NLRC3: variants seen among roughly 807,000 people sequenced by gnomAD.
The protein encoded by NLRC3 is NLR family CARD domain-containing protein 3.
NLRC3 carries 87 observed loss-of-function variants against 91.6 expected under a neutral mutation model. That is an observed-to-expected ratio of 0.95 (90% CI 0.80 to 1.14). NLRC3 has a LOEUF of 1.14. NLRC3 is among the 50% of genes most tolerant of loss of function. The pLI, the probability that NLRC3 is intolerant of heterozygous loss-of-function variation, is 0.00. For missense variants in NLRC3, 1,577 were observed against 1,418.6 expected (o/e 1.11, Z -1.79); for synonymous variants, 694 against 625.3 (o/e 1.11, Z -1.64).
chr16:3,540,271 C>T lies in NLRC3; in HGVS notation c.*1554G>A, dbSNP rs1402766084. The T allele has an allele frequency of 6.6e-6, 1 of 152,242 alleles. No homozygotes were observed. The highest frequency in any genetic ancestry group is 1.5e-5 in the Non-Finnish European group (1 of 68,046). The allele number at this position is 152,242 out of a possible 1,614,324, so 9.4% of individuals were successfully genotyped here. A position where few individuals can be genotyped will look rare whatever the true frequency, so the allele number is the denominator to read the frequency against. Reference sequence around the variant, plus strand: ...CCATGATGGTTCCTGTCCGGATGCTCACTTTTGAAGAAACATTTCAAATAA... The same window carrying T: ...CCATGATGGTTCCTGTCCGGATGCTTACTTTTGAAGAAACATTTCAAATAA... On this transcript the variant is annotated 3_prime_UTR_variant, in exon 20 of 20. Coordinates refer to ENST00000359128, the MANE Select transcript of NLRC3 (RefSeq NM_178844.4).
rs1359956182 is a variant in NLRC3 at position 3,557,587 on chromosome 16, A to C, written c.2099+6T>G. The C allele has an allele frequency of 6.2e-7, 1 of 1,603,046 alleles. No individual in the cohort carries two copies. Among genetic ancestry groups the C allele is most frequent in the East Asian group, 2.2e-5 (1 of 44,810 alleles). ...CAAAAGTTCGGCCTTGGTTGTCCTT[A>C]CTTACTCCAGAGAGGTCAGACTTCT... On this transcript the variant is annotated splice_donor_region_variant and intron_variant, in intron 7 of 19. Transcript: ENST00000359128.
intron 6 of NLRC3, among the ~76,000 whole-genome samples, chr16:3,559,631 CT>C (rs1261738397): frequency 0.015 from 2,160 of 141,968 alleles, 59 homozygotes; most frequent in African/African-American, 0.052. Flanking sequence ...TTTTACTTTT[CT>C]TTTTTTTTTT....
At chr16:3,547,868 C>A (rs1369569805) in intron 15 of NLRC3, among the ~76,000 whole-genome samples, 2 of 152,146 alleles carry the variant, frequency 1.3e-5, no homozygotes, top group African/African-American at 4.8e-5. Context: ...GGGATTTCGC[C>A]ATGTTGGCCA....
At chr16:3,559,964 T>A (rs1442713773) in intron 6 of NLRC3, among the ~76,000 whole-genome samples, 1 of 152,094 alleles carries the variant, frequency 6.6e-6, no homozygotes, top group East Asian at 1.9e-4. Context: ...TTAAGCCCAT[T>A]TTTACCCTCT....
intron 1 of NLRC3, among the ~76,000 whole-genome samples, chr16:3,568,469 A>T (rs2151104738): frequency 6.6e-6 from 1 of 152,334 alleles, no homozygotes. Context: ...CATGCTTGTC[A>T]TTCCAGCACT....
chr16:3,551,658 A>G (rs1399634015), intron 10 of NLRC3, among the ~76,000 whole-genome samples: 2 of 140,980 alleles, frequency 1.4e-5, no homozygotes, highest in Non-Finnish European at 3.1e-5. Flanking sequence ...CATCCATTCA[A>G]CCGTCCATCT....
At chr16:3,558,796 C>T (rs55988809) in intron 6 of NLRC3, among the ~76,000 whole-genome samples, 7,622 of 152,068 alleles carry the variant, frequency 0.05, 249 homozygotes, top group Admixed American at 0.07. Context: ...TTTTTTCAGA[C>T]AGGATCTCAT....
chr16:3,572,288 T>C (rs1332483105), intron 1 of NLRC3, among the ~76,000 whole-genome samples: 1 of 151,912 alleles, frequency 6.6e-6, no homozygotes, highest in Non-Finnish European at 1.5e-5. Flanking sequence ...GGTGAGAACA[T>C]GGAGGTAGTG....
rs1188271620 is a variant in NLRC3 at position 3,563,418 on chromosome 16, C to G, written c.1519G>C (p.Asp507His). 1 of 1,575,722 alleles carries G rather than the reference C, an allele frequency of 6.3e-7. No individual in the cohort carries two copies. The highest frequency in any genetic ancestry group is 8.6e-7 in the Non-Finnish European group (1 of 1,161,212). ...CGCAGGAACACGTCCAGCCTCCCGT[C>G]CTCTGCCTGCATGGCCCGCTGGGCT... The part of the protein sequence containing the change: ...SAAQRAMQAE[D>H]GRLDVFLRFL... Residue 507 changes from aspartate (D) to histidine (H), a missense_variant, in exon 5 of 20, where the codon GAC (aspartate) becomes CAC (histidine). Physicochemically the swap from Asp to His is moderately conservative, Grantham distance 81. Coordinates refer to ENST00000359128, the MANE Select transcript of NLRC3 (RefSeq NM_178844.4).
intron 1 of NLRC3, among the ~76,000 whole-genome samples, chr16:3,571,212 A>G (rs1313403755): frequency 6.6e-6 from 1 of 152,210 alleles, no homozygotes; most frequent in East Asian, 1.9e-4. Context: ...TAAACACAAA[A>G]TTTATTTTCA....
intron 6 of NLRC3, among the ~76,000 whole-genome samples, chr16:3,559,353 A>T (rs2039498230): frequency 6.6e-6 from 1 of 152,186 alleles, no homozygotes; most frequent in Non-Finnish European, 1.5e-5. Context: ...TTCATTCAGA[A>T]TAATTTACTT....
chr16:3,552,237 C>T lies in NLRC3; in HGVS notation c.2310G>A (p.Met770Ile). ...TCCTGTTCTGCTTCAAGGCATCTGC[C>T]ATCCGCTGGGCTCCCATGGGCCCGA... ...NSIGPMGAQR[M>I]ADALKQNRSL... Residue 770 changes from methionine (M) to isoleucine (I), a missense_variant, in exon 10 of 20, where the codon ATG becomes ATA. Physicochemically the swap from Met to Ile is conservative, Grantham distance 10. Transcript: ENST00000359128. The T allele has an allele frequency of 1.2e-6, 2 of 1,613,676 alleles. No individual in the cohort carries two copies. Among genetic ancestry groups the T allele is most frequent in the Non-Finnish European group, 1.7e-6 (2 of 1,179,594 alleles).
chr16:3,570,861 G>GACATGAGC (rs1198334981), intron 1 of NLRC3, among the ~76,000 whole-genome samples: 1 of 152,140 alleles, frequency 6.6e-6, no homozygotes, highest in Admixed American at 6.6e-5. Context: ...TGGGGGGAGT[G>GACATGAGC]ACATGAGCAA....
In NLRC3 at chr16:3,554,310, G is replaced by C. The variant is rs753199471; in HGVS notation, c.2199C>G (p.Thr733=). The change falls in exon 9 of 20, where the codon ACC becomes ACG. Residue 733 remains threonine, a synonymous_variant. Coordinates refer to ENST00000359128, the MANE Select transcript of NLRC3 (RefSeq NM_178844.4). ...TGGACCTGGCACCATCATCCCTAACGGTGTTGCCCTGGAGGCTGCAGAGAC... is the reference window on the plus strand; with the variant it reads ...TGGACCTGGCACCATCATCCCTAACCGTGTTGCCCTGGAGGCTGCAGAGAC... ...TLTSLSLQGN[T]VRDDGARSMA... 1.3e-5 allele frequency: 21 copies of C among 1,613,508 alleles called. No individual in the cohort carries two copies. In the Admixed American group the frequency reaches 3.5e-4, roughly 27 times the overall value.
intron 11 of NLRC3, 132 bp from the exon 12 acceptor site, chr16:3,549,912 GCTTCT>G: frequency 4.9e-6 from 3 of 616,792 alleles, no homozygotes; most frequent in Non-Finnish European, 5.7e-6. Context: ...TGGCCACACT[GCTTCT>G]CTTCTCATCT....
At position 3,577,290 on chromosome 16, in the gene NLRC3, G is replaced by T; in HGVS notation, c.-310C>A. 1.5e-6 allele frequency: 1 copy of T among 685,316 alleles called. No homozygotes were observed. The highest frequency in any genetic ancestry group is 2.7e-5 in the East Asian group (1 of 37,144). 42.5% of individuals were successfully genotyped at this position (685,316 alleles called of 1,614,324 possible). ...TCCCTGTGCCAGCCTGAGTTCTCAG[G>T]ACCAGGGATCAGGGCACTTACCACG... On this transcript the variant is annotated 5_prime_UTR_variant, in exon 1 of 20. Transcript: ENST00000359128.
In NLRC3 at chr16:3,540,999, G is replaced by A. The variant is rs2038369868; in HGVS notation, c.*826C>T. The stretch of plus-strand genomic sequence containing the variant: ...GCTGATGGATCACCTGAGGTCAGGA[G>A]TTCGAGACCAGCCTGGCCAACATGA... On this transcript the variant is annotated 3_prime_UTR_variant, in exon 20 of 20. Coordinates refer to ENST00000359128, the MANE Select transcript of NLRC3 (RefSeq NM_178844.4). 6.6e-6 allele frequency: 1 copy of A among 152,248 alleles called. No homozygotes were observed. Among genetic ancestry groups the A allele is most frequent in the Non-Finnish European group, 1.5e-5 (1 of 68,080 alleles). 9.4% of individuals were successfully genotyped at this position (152,248 alleles called of 1,614,324 possible).
chr16:3,562,908 G>T, intron 5 of NLRC3, 101 bp downstream of exon 5: 1 of 1,069,402 alleles, frequency 9.4e-7, no homozygotes, highest in Non-Finnish European at 1.4e-6. Flanking sequence ...TGTTACGGCA[G>T]CCCTAGGAGA....
Position 3,563,732 on chromosome 16 carries a change from C to T in NLRC3, c.1205G>A (p.Arg402His), listed in dbSNP as rs774251355. 5.3e-5 allele frequency: 85 copies of T among 1,613,342 alleles called. No homozygotes were observed. Among genetic ancestry groups the T allele is most frequent in the Non-Finnish European group, 6.5e-5 (77 of 1,179,762 alleles). ...CTTGAGCAGCCCATGGAAGGCCAGA[C>T]GGCCCAATGTCCCCACCATCTTGCG... ...GGRKMVGTLG[R>H]LAFHGLLKKK... is the part of the protein sequence containing the mutation. Residue 402 changes from arginine (R) to histidine (H), a missense_variant, in exon 5 of 20, where the codon CGT (arginine) becomes CAT (histidine). Coordinates refer to ENST00000359128, the MANE Select transcript of NLRC3 (RefSeq NM_178844.4).
Sources: allele counts gnomAD v4.1 joint callset (sites outside exome capture counted in the v4.1 genomes callset), GRCh38; gene constraint gnomAD v4.1.1; transcripts MANE v1.5; gene names NCBI Gene and HGNC (gene_info 2026-07-23, HGNC 2026-07-21).